The following AGMO variants were observed in gnomAD, a reference collection of about 807,000 sequenced individuals.
AGMO encodes glyceryl-ether monooxygenase.
In AGMO, 75 loss-of-function variants were observed where a neutral mutation model predicts 60.2. That is an observed-to-expected ratio of 1.25 (90% CI 1.03 to 1.51). The LOEUF (loss-of-function observed/expected upper bound fraction) is 1.51. Among genes scored for constraint, AGMO ranks in the 40% most tolerant of loss-of-function variants. The pLI is 0.00. For synonymous variants in AGMO, 261 were observed against 177.1 expected, an observed-to-expected ratio of 1.47 and a Z score of -3.76; for missense variants, 763 against 525.5, an observed-to-expected ratio of 1.45 and a Z score of -4.42.
At chr7:15,296,083 G>A (rs538071251) in intron 12 of AGMO, among the ~76,000 whole-genome samples, 5 of 152,070 alleles carry the variant, frequency 3.3e-5, no homozygotes, top group Non-Finnish European at 7.4e-5. Context: ...AATAAAATAT[G>A]TAGAAATAAT....
chr7:15,241,198 C>T (rs187421763), intron 12 of AGMO, among the ~76,000 whole-genome samples: 128 of 151,988 alleles, frequency 8.4e-4, no homozygotes, highest in Non-Finnish European at 1.4e-3. Flanking sequence ...AAGTGGCTCA[C>T]GCCTGTAATC....
chr7:15,391,208 TA>T (rs1235255723), intron 6 of AGMO, among the ~76,000 whole-genome samples: 1 of 151,978 alleles, frequency 6.6e-6, no homozygotes. Context: ...CATTAAAGAA[TA>T]AAAATTAAGA....
chr7:15,297,558 GTGTTGCA>G (rs1342768677), intron 12 of AGMO, among the ~76,000 whole-genome samples: 1 of 152,140 alleles, frequency 6.6e-6, no homozygotes, highest in East Asian at 1.9e-4. Context: ...AGAAAAGTTA[GTGTTGCA>G]TTTGGCCACG....
At chr7:15,383,994 G>A (rs1783807078) in intron 10 of AGMO, among the ~76,000 whole-genome samples, 1 of 151,916 alleles carries the variant, frequency 6.6e-6, no homozygotes, top group Non-Finnish European at 1.5e-5. Flanking sequence ...GGAGTGCAGT[G>A]GCGCGATCTC....
chr7:15,238,041 C>T (rs754612560), intron 12 of AGMO, among the ~76,000 whole-genome samples: 1 of 152,046 alleles, frequency 6.6e-6, no homozygotes, highest in East Asian at 1.9e-4. Flanking sequence ...TGACCAGCCT[C>T]TCCCTTAATG....
chr7:15,405,903 T>C (rs185402301), intron 5 of AGMO, among the ~76,000 whole-genome samples: 97 of 152,026 alleles, frequency 6.4e-4, no homozygotes, highest in African/African-American at 2.3e-3. Flanking sequence ...ATGTATAATC[T>C]TATTCATTAT....
At chr7:15,236,540 G>A (rs1259155662) in intron 12 of AGMO, among the ~76,000 whole-genome samples, 3 of 151,988 alleles carry the variant, frequency 2.0e-5, no homozygotes, top group African/African-American at 7.2e-5. Context: ...TCCCTGCTTC[G>A]ACATGGACAT....
At chr7:15,296,438 C>T (rs1784411145) in intron 12 of AGMO, among the ~76,000 whole-genome samples, 1 of 152,142 alleles carries the variant, frequency 6.6e-6, no homozygotes, top group African/African-American at 2.4e-5. Context: ...CTTCCCTGTG[C>T]ACCATCGTTG....
intron 3 of AGMO, among the ~76,000 whole-genome samples, chr7:15,496,121 G>T (rs1783226534): frequency 6.6e-6 from 1 of 152,078 alleles, no homozygotes; most frequent in Non-Finnish European, 1.5e-5. Flanking sequence ...AGCTTGGGTG[G>T]AACTGCAAAC....
At chr7:15,495,178 C>T (rs1027854458) in intron 3 of AGMO, among the ~76,000 whole-genome samples, 1 of 152,152 alleles carries the variant, frequency 6.6e-6, no homozygotes, top group Non-Finnish European at 1.5e-5. Context: ...TAACGTTTTG[C>T]CTGGTGCTTC....
chr7:15,443,936 T>C (rs1291544334), intron 3 of AGMO, among the ~76,000 whole-genome samples: 2 of 152,186 alleles, frequency 1.3e-5, no homozygotes, highest in Admixed American at 1.3e-4. Context: ...ATTGCATATG[T>C]CATTTTCTTC....
intron 12 of AGMO, among the ~76,000 whole-genome samples, chr7:15,298,028 C>A (rs1315336408): frequency 1.3e-5 from 2 of 152,092 alleles, no homozygotes; most frequent in African/African-American, 4.8e-5. Flanking sequence ...AGTAACATAT[C>A]CCATTAAAGG....
intron 3 of AGMO, among the ~76,000 whole-genome samples, chr7:15,458,572 C>G (rs1414883635): frequency 1.3e-5 from 2 of 152,128 alleles, no homozygotes; most frequent in East Asian, 1.9e-4. Flanking sequence ...TTATGCTTTT[C>G]TCATTATTCA....
intron 3 of AGMO, among the ~76,000 whole-genome samples, chr7:15,479,966 G>C (rs571863272): frequency 5.3e-4 from 81 of 151,946 alleles, no homozygotes; most frequent in African/African-American, 1.9e-3. Flanking sequence ...GTGACTTAAA[G>C]CAAAAAAAAG....
intron 12 of AGMO, among the ~76,000 whole-genome samples, chr7:15,353,991 G>GT (rs1241341227): frequency 7.9e-5 from 12 of 152,092 alleles, no homozygotes; most frequent in African/African-American, 2.9e-4. Context: ...TCATGTGATA[G>GT]TTTGCAATTT....
chr7:15,290,833 T>C (rs1784243251), intron 12 of AGMO, among the ~76,000 whole-genome samples: 1 of 152,122 alleles, frequency 6.6e-6, no homozygotes, highest in Non-Finnish European at 1.5e-5. Context: ...TATTTTGAGA[T>C]CTTACACTAG....
At chr7:15,543,594 C>G (rs1320881688) in intron 3 of AGMO, among the ~76,000 whole-genome samples, 4 of 152,088 alleles carry the variant, frequency 2.6e-5, no homozygotes, top group Admixed American at 1.3e-4. Context: ...GAATTCCACA[C>G]TGTTGCAGGG....
intron 6 of AGMO, among the ~76,000 whole-genome samples, chr7:15,392,809 AACAAAC>A (rs1784204165): frequency 6.6e-5 from 6 of 90,400 alleles, no homozygotes; most frequent in African/African-American, 1.5e-4. Flanking sequence ...AAAACAAACA[AACAAAC>A]AAACAAACAA....
intron 12 of AGMO, chr7:15,306,569 T>G (rs1343348246): frequency 3.0e-6 from 1 of 330,224 alleles, no homozygotes; most frequent in Non-Finnish European, 5.8e-6. Flanking sequence ...AATATGACTG[T>G]GTAAAAAAAA....
Sources: allele counts gnomAD v4.1 joint callset (sites outside exome capture counted in the v4.1 genomes callset), GRCh38; gene constraint gnomAD v4.1.1; transcripts MANE v1.5; gene names NCBI Gene and HGNC (gene_info 2026-07-23, HGNC 2026-07-21).